The following JAKMIP1 variants were observed in gnomAD, a reference collection of about 807,000 sequenced individuals.
JAKMIP1 encodes janus kinase and microtubule interacting protein 1, also known as janus kinase and microtubule-interacting protein 1.
Under a neutral mutation model 113.0 loss-of-function variants are expected in JAKMIP1, and 33 were observed. The ratio of observed to expected loss-of-function variants is 0.29; its 90% CI spans 0.22 to 0.39. The LOEUF (loss-of-function observed/expected upper bound fraction) is 0.39, where lower values mean the gene tolerates loss of function less well. Among genes scored for constraint, JAKMIP1 ranks in the 10% least tolerant of loss-of-function variants. The pLI is 1.00. For synonymous variants in JAKMIP1, 480 were observed against 459.9 expected (o/e 1.04, Z -0.56); for missense variants, 813 against 1,080.5 (o/e 0.75, Z 3.47).
At position 6,067,509 on chromosome 4, in the gene JAKMIP1, C is replaced by G. The variant is rs1430135412; in HGVS notation, c.1303-2501G>C. On this transcript the variant is annotated intron_variant, in intron 8 of 20. Transcript: ENST00000409021. The surrounding 1 kb of genome is among the most constrained non-coding windows in gnomAD (Gnocchi z 4.6). ...CTTCAGGCATCATGGACTCTTCCAACCAGCTCTAGAGAGCAGTGGTAGTGA... is the reference window on the plus strand; with the variant it reads ...CTTCAGGCATCATGGACTCTTCCAAGCAGCTCTAGAGAGCAGTGGTAGTGA... Among the ~76,000 whole-genome samples the G allele has an allele frequency of 6.6e-6, 1 of 152,220 alleles. No homozygotes were observed. The highest frequency in any genetic ancestry group is 1.5e-5 in the Non-Finnish European group (1 of 68,038).
At position 6,049,560 on chromosome 4, in the gene JAKMIP1, C is replaced by T. The variant is rs1380034841; in HGVS notation, c.1962+259G>A. On this transcript the variant is annotated intron_variant, in intron 15 of 20. Coordinates refer to ENST00000409021, the MANE Select transcript of JAKMIP1 (RefSeq NM_001099433.2). The surrounding 1 kb of genome is among the most constrained non-coding windows in gnomAD (Gnocchi z 7.0). ...CAGCAATCTCGTGTGACTCCACCTGCATTCTGGGTAGGGATTCTGAGGCTT... is the reference window on the plus strand; with the variant it reads ...CAGCAATCTCGTGTGACTCCACCTGTATTCTGGGTAGGGATTCTGAGGCTT... 2.0e-5 allele frequency among the ~76,000 whole-genome samples: 3 copies of T among 151,894 alleles called. No homozygotes were observed. Among genetic ancestry groups the T allele is most frequent in the East Asian group, 3.9e-4 (2 of 5,176 alleles).
chr4:6,124,162 A>C (rs967185832), intron 1 of JAKMIP1, among the ~76,000 whole-genome samples: 3 of 152,176 alleles, frequency 2.0e-5, no homozygotes, highest in Non-Finnish European at 4.4e-5. Context: ...CTCTCCATCC[A>C]TAATGGGGGT....
chr4:6,052,708 G>A (rs1715819307), intron 13 of JAKMIP1, among the ~76,000 whole-genome samples: 1 of 150,940 alleles, frequency 6.6e-6, no homozygotes, highest in South Asian at 2.1e-4. Context: ...GAAGGATGGT[G>A]GAGACCATTA....
intron 3 of JAKMIP1, among the ~76,000 whole-genome samples, chr4:6,092,459 C>T (rs1722221130): frequency 6.6e-6 from 1 of 152,262 alleles, no homozygotes; most frequent in Non-Finnish European, 1.5e-5. Flanking sequence ...ATGGCCACAC[C>T]CCCTTCCTGC....
chr4:6,084,870 C>G lies in JAKMIP1; in HGVS notation c.930G>C (p.Leu310=). The G allele has an allele frequency of 1.2e-6, 2 of 1,603,038 alleles. No homozygotes were observed. Among genetic ancestry groups the G allele is most frequent in the Non-Finnish European group, 1.7e-6 (2 of 1,176,536 alleles). The change falls in exon 5 of 21, where the codon CTG becomes CTC. Residue 310 remains leucine, a synonymous_variant. Transcript: ENST00000409021. ...VIRKLEDRNT[L]LADERNELLK... ...CCAGTTCATTCCTCTCATCTGCCAA[C>G]AGCGTATTTCTGTCTTCCAGCTTCC... is the stretch of plus-strand genomic sequence containing the variant.
chr4:6,055,664 C>T (rs1716290507), intron 12 of JAKMIP1, among the ~76,000 whole-genome samples: 1 of 152,240 alleles, frequency 6.6e-6, no homozygotes, highest in Non-Finnish European at 1.5e-5. Context: ...GGCCAGCCCT[C>T]CCCATTTCTT....
At chr4:6,149,052 C>T (rs779421130) in intron 1 of JAKMIP1, among the ~76,000 whole-genome samples, 2 of 152,060 alleles carry the variant, frequency 1.3e-5, no homozygotes, top group African/African-American at 4.8e-5. Context: ...CCGTGTAACC[C>T]GCAAGAACAC....
chr4:6,126,005 A>AAC (rs202164344), intron 1 of JAKMIP1, among the ~76,000 whole-genome samples: 1 of 128,012 alleles, frequency 7.8e-6, no homozygotes, highest in Non-Finnish European at 1.7e-5. Context: ...ACCATACAGA[A>AAC]ACACACACAC....
At chr4:6,134,809 G>A (rs1268414841) in intron 1 of JAKMIP1, among the ~76,000 whole-genome samples, 4 of 152,236 alleles carry the variant, frequency 2.6e-5, no homozygotes, top group Non-Finnish European at 5.9e-5. Context: ...GGCCTGGGGA[G>A]GCAGAGATGA....
chr4:6,083,178 A>G (rs6834453), intron 5 of JAKMIP1, among the ~76,000 whole-genome samples: 141,621 of 151,736 alleles, frequency 0.93, 66,436 homozygotes, highest in East Asian at 1. Flanking sequence ...TGAGGCAGGC[A>G]GATCACTTGA....
chr4:6,170,130 C>CCACCACCACTTCCATCACCAA (rs1187291734), intron 1 of JAKMIP1, among the ~76,000 whole-genome samples: 1 of 150,522 alleles, frequency 6.6e-6, no homozygotes, highest in Admixed American at 6.6e-5. Flanking sequence ...ACCATCACCA[C>CCACCACCACTTCCATCACCAA]CACCACCACT....
chr4:6,151,482 GC>G (rs1721566338), intron 1 of JAKMIP1, among the ~76,000 whole-genome samples: 1 of 152,004 alleles, frequency 6.6e-6, no homozygotes, highest in Non-Finnish European at 1.5e-5. Context: ...TGCCCAGAAG[GC>G]CCTCTGCTTG....
chr4:6,045,521 T>C (rs1363187966), intron 16 of JAKMIP1, among the ~76,000 whole-genome samples: 3 of 152,120 alleles, frequency 2.0e-5, no homozygotes, highest in African/African-American at 7.2e-5. Context: ...TGTAGCGAAA[T>C]CAACACAGGC....
At chr4:6,166,844 G>A (rs1425295117) in intron 1 of JAKMIP1, among the ~76,000 whole-genome samples, 1 of 152,026 alleles carries the variant, frequency 6.6e-6, no homozygotes, top group Non-Finnish European at 1.5e-5. Flanking sequence ...TGTGGTCTTG[G>A]GCAAGTTTCT....
intron 8 of JAKMIP1, among the ~76,000 whole-genome samples, chr4:6,071,002 C>T (rs556142424): frequency 2.6e-5 from 4 of 152,198 alleles, no homozygotes; most frequent in East Asian, 1.9e-4. Flanking sequence ...AAAAGTAAAA[C>T]GTCTGAACTT....
intron 1 of JAKMIP1, among the ~76,000 whole-genome samples, chr4:6,122,196 T>C (rs372142551): frequency 2.0e-5 from 3 of 152,090 alleles, no homozygotes; most frequent in South Asian, 2.1e-4. Context: ...AGTACAAAAA[T>C]TAGCCTGTAA....
At position 6,162,662 on chromosome 4, in the gene JAKMIP1, C is replaced by G. The variant is rs115785845; in HGVS notation, c.-148+37591G>C. On this transcript the variant is annotated intron_variant, in intron 1 of 20. Coordinates refer to ENST00000409021, the MANE Select transcript of JAKMIP1 (RefSeq NM_001099433.2). This position sits in a 1 kb window ranked among gnomAD's most constrained non-coding sequence, Gnocchi z 5.6. ...CCATCTGTTAGCTCCTTAACTGTCA[C>G]GACAACCTGTTAAGGGCACAGCATT... Among the ~76,000 whole-genome samples the G allele has an allele frequency of 1.3e-5, 2 of 152,208 alleles. No homozygotes were observed. The highest frequency in any genetic ancestry group is 4.8e-5 in the African/African-American group (2 of 41,446).
intron 5 of JAKMIP1, among the ~76,000 whole-genome samples, chr4:6,082,145 A>C (rs535663925): frequency 6.6e-6 from 1 of 152,218 alleles, no homozygotes; most frequent in South Asian, 2.1e-4. Flanking sequence ...CTGAGCCCAA[A>C]GAGAGGAGGC....
rs1714488367 is a variant in JAKMIP1, at chr4:6,042,715, C to T, written c.2029-488G>A. On this transcript the variant is annotated intron_variant, in intron 16 of 20. Coordinates refer to ENST00000409021, the MANE Select transcript of JAKMIP1 (RefSeq NM_001099433.2). This position sits in a 1 kb window ranked among gnomAD's most constrained non-coding sequence, Gnocchi z 5.2. ...ACGGGTGCAGAATGGAGATTTGGAA[C>T]CCAGCCTGCAGGATGCCAAAGCCAC... Among the ~76,000 whole-genome samples, 1 of 152,000 alleles carries T rather than the reference C, an allele frequency of 6.6e-6. No homozygotes were observed. Among genetic ancestry groups the T allele is most frequent in the Non-Finnish European group, 1.5e-5 (1 of 68,010 alleles).
Sources: allele counts gnomAD v4.1 joint callset (sites outside exome capture counted in the v4.1 genomes callset), GRCh38; gene constraint gnomAD v4.1.1; non-coding constraint Gnocchi (gnomAD v3.1); transcripts MANE v1.5; gene names NCBI Gene and HGNC (gene_info 2026-07-23, HGNC 2026-07-21).